Variants in WDR37 observed in about 807,000 individuals in gnomAD.
WDR37 encodes the protein WD repeat-containing protein 37.
Under a neutral mutation model 62.9 loss-of-function variants are expected in WDR37, and 19 were observed. The ratio of observed to expected loss-of-function variants is 0.30; its 90% CI spans 0.21 to 0.44. WDR37 has a LOEUF of 0.44. Among genes scored for constraint, WDR37 ranks in the 20% least tolerant of loss-of-function variants. WDR37 has a pLI of 1.00. For missense variants in WDR37, 474 were observed against 657.6 expected (o/e 0.72, Z 3.05); for synonymous variants, 250 against 260.9 (o/e 0.96, Z 0.40).
At position 1,105,079 on chromosome 10, in the gene WDR37, G is replaced by A. The variant is rs1315997982; in HGVS notation, c.962-47G>A. ...GTGCTGTTGAAAAGCGTCTCTCTCA[G>A]CGTGCTCCTCAGGTGATGACCTTGT... On this transcript the variant is annotated intron_variant, in intron 10 of 13. Coordinates refer to ENST00000263150, the MANE Select transcript of WDR37 (RefSeq NM_014023.4). The surrounding 1 kb of genome is among the most constrained non-coding windows in gnomAD (Gnocchi z 5.3). 1 of 1,603,896 alleles carries A rather than the reference G, an allele frequency of 6.2e-7. No homozygotes were observed.
chr10:1,065,145 C>T (rs572861602), intron 1 of WDR37, among the ~76,000 whole-genome samples: 59 of 152,218 alleles, frequency 3.9e-4, no homozygotes, highest in African/African-American at 1.3e-3. Context: ...GCAAAAATAT[C>T]GGTCAATTTA....
chr10:1,125,722 A>C (rs576747935), intron 13 of WDR37, among the ~76,000 whole-genome samples: 1 of 152,268 alleles, frequency 6.6e-6, no homozygotes, highest in East Asian at 1.9e-4. Flanking sequence ...GGTTGGTTGT[A>C]GGCTGGGGGT....
intron 7 of WDR37, among the ~76,000 whole-genome samples, chr10:1,089,578 G>T (rs1262298294): frequency 6.6e-6 from 1 of 151,974 alleles, no homozygotes; most frequent in Non-Finnish European, 1.5e-5. Flanking sequence ...CGTTCTTCAC[G>T]CAGGTTAATT....
chr10:1,059,839 A>AGCT lies in WDR37; in HGVS notation c.-41+2872_-41+2874dup, dbSNP rs555437191. ...AAGAATCTTTTGAGAAAGAGCAGAA[A>AGCT]GCTAAGTGTTCATTGATGCTGTTTA... On this transcript the variant is annotated intron_variant, in intron 1 of 13. Coordinates refer to ENST00000263150, the MANE Select transcript of WDR37 (RefSeq NM_014023.4). 1.6e-4 allele frequency among the ~76,000 whole-genome samples: 25 copies of AGCT among 152,272 alleles called. No homozygotes were observed. The South Asian group carries it at 5.2e-3, about 32-fold the overall frequency.
intron 2 of WDR37, among the ~76,000 whole-genome samples, chr10:1,077,565 T>C (rs1024327614): frequency 6.6e-6 from 1 of 152,182 alleles, no homozygotes; most frequent in African/African-American, 2.4e-5. Flanking sequence ...AGGCTGTTTA[T>C]AATAGTTCAT....
intron 11 of WDR37, among the ~76,000 whole-genome samples, chr10:1,112,072 A>T (rs1288709582): frequency 5.3e-5 from 8 of 151,828 alleles, no homozygotes; most frequent in Non-Finnish European, 1.2e-4. Context: ...TATTTCTTAC[A>T]CCTTGTTTGA....
At chr10:1,095,828 C>G (rs770605295) in intron 8 of WDR37, among the ~76,000 whole-genome samples, 1 of 152,132 alleles carries the variant, frequency 6.6e-6, no homozygotes, top group Non-Finnish European at 1.5e-5. Flanking sequence ...TTGATTGCAG[C>G]TGTAAGTTCT....
chr10:1,117,749 C>T (rs967073326), intron 11 of WDR37, among the ~76,000 whole-genome samples: 7 of 152,220 alleles, frequency 4.6e-5, no homozygotes, highest in Non-Finnish European at 7.3e-5. Context: ...CGTCAGCTGA[C>T]GTTTGGAAAA....
intron 13 of WDR37, among the ~76,000 whole-genome samples, chr10:1,125,385 G>T (rs1427059727): frequency 6.6e-6 from 1 of 152,096 alleles, no homozygotes; most frequent in East Asian, 1.9e-4. Context: ...CACCACGCCT[G>T]GCTAATTTTG....
Position 1,084,405 on chromosome 10 carries a change from T to C in WDR37, c.399T>C (p.Ile133=). 6.2e-7 allele frequency: 1 copy of C among 1,607,310 alleles called. No homozygotes were observed. Residue 133 remains isoleucine, a splice_region_variant and synonymous_variant, in exon 6 of 14, where the codon ATT becomes ATC. Transcript: ENST00000263150. ...AAGACTCCCCATCTTGGTTTCAGAT[T>C]GTCTCCAGCTTTAAGACCACGACAT... The part of the protein sequence containing the change: ...KTTYKASTSK[I]VSSFKTTTSR...
chr10:1,079,947 A>G, intron 3 of WDR37, 64 bp from the exon 4 acceptor site: 1 of 1,400,736 alleles, frequency 7.1e-7, no homozygotes, highest in South Asian at 1.2e-5. Context: ...CGAGTTTTGG[A>G]AGTGGTGAGT....
chr10:1,068,059 G>C (rs1589077312), intron 1 of WDR37, among the ~76,000 whole-genome samples: 1 of 152,138 alleles, frequency 6.6e-6, no homozygotes, highest in East Asian at 1.9e-4. Flanking sequence ...ATAGATAATA[G>C]AGACCGGGAA....
chr10:1,128,878 G>A (rs1048355544), intron 13 of WDR37, among the ~76,000 whole-genome samples: 1 of 148,612 alleles, frequency 6.7e-6, no homozygotes, highest in Non-Finnish European at 1.5e-5. Flanking sequence ...GTCCATGCTC[G>A]GTGGTCCTGC....
chr10:1,092,213 C>CCT (rs1834418869), intron 7 of WDR37, among the ~76,000 whole-genome samples: 1 of 144,314 alleles, frequency 6.9e-6, no homozygotes, highest in South Asian at 2.2e-4. Flanking sequence ...ATGATAGCTT[C>CCT]CTCAGACCTC....
intron 13 of WDR37, among the ~76,000 whole-genome samples, chr10:1,126,561 G>T (rs1412105575): frequency 6.6e-6 from 1 of 152,110 alleles, no homozygotes; most frequent in African/African-American, 2.4e-5. Context: ...TTTGTTCCCC[G>T]AGGCCTCCTG....
Position 1,069,539 on chromosome 10 carries a change from G to A in WDR37, c.-40-2577G>A, listed in dbSNP as rs74117699. 3.4e-3 allele frequency among the ~76,000 whole-genome samples: 521 copies of A among 151,592 alleles called. 6 individuals are homozygous for A. Among genetic ancestry groups the A allele is most frequent in the African/African-American group, 0.012 (476 of 41,336 alleles). On this transcript the variant is annotated intron_variant, in intron 1 of 13. Transcript: ENST00000263150. ...TAACCATTAAATTGAGTGGAAAAAA[G>A]AATCTCAAAAAGGGTAACTGCTCTT... is the stretch of plus-strand genomic sequence containing the variant.
At chr10:1,070,817 A>G (rs1833705177) in intron 1 of WDR37, among the ~76,000 whole-genome samples, 1 of 152,242 alleles carries the variant, frequency 6.6e-6, no homozygotes, top group South Asian at 2.1e-4. Flanking sequence ...AAAGAAGGGA[A>G]CGCTAGTGAT....
chr10:1,129,550 T>C lies in WDR37; in HGVS notation c.*206T>C. 2 of 695,590 alleles carry C rather than the reference T, an allele frequency of 2.9e-6. No homozygotes were observed. Among genetic ancestry groups the C allele is most frequent in the Non-Finnish European group, 4.5e-6 (2 of 447,872 alleles). 43.1% of individuals were successfully genotyped at this position (695,590 alleles called of 1,614,324 possible). A position where few individuals can be genotyped will look rare whatever the true frequency, so the allele number is the denominator to read the frequency against. ...TTTTTACTTTTGTCTTGTATATGTATGTATATTGGGTCCTCTGGGCAGTAG... is the reference window on the plus strand; with the variant it reads ...TTTTTACTTTTGTCTTGTATATGTACGTATATTGGGTCCTCTGGGCAGTAG... On this transcript the variant is annotated 3_prime_UTR_variant, in exon 14 of 14. Coordinates refer to ENST00000263150, the MANE Select transcript of WDR37 (RefSeq NM_014023.4).
chr10:1,128,106 G>C (rs1251075025), intron 13 of WDR37, among the ~76,000 whole-genome samples: 1 of 152,154 alleles, frequency 6.6e-6, no homozygotes, highest in Admixed American at 6.5e-5. Flanking sequence ...CTGGCCTTTT[G>C]TGGATGTCTT....
Sources: allele counts gnomAD v4.1 joint callset (sites outside exome capture counted in the v4.1 genomes callset), GRCh38; gene constraint gnomAD v4.1.1; non-coding constraint Gnocchi (gnomAD v3.1); transcripts MANE v1.5; gene names NCBI Gene and HGNC (gene_info 2026-07-23, HGNC 2026-07-21).